Variants in CIRSR observed in about 807,000 individuals in gnomAD.
CIRSR encodes corepressor of RBPJ and splicing regulator.
the CIRSR span, among the ~76,000 whole-genome samples, chr2:174,369,489 T>C: frequency 0.06 from 9,204 of 152,318 alleles, 873 homozygotes; most frequent in African/African-American, 0.2. Flanking sequence ...TCAAGAACTT[T>C]CCCTTTGCAT....
the CIRSR span, among the ~76,000 whole-genome samples, chr2:174,357,730 C>G: frequency 6.6e-6 from 1 of 152,100 alleles, no homozygotes; most frequent in African/African-American, 2.4e-5. Context: ...TATTTGATTA[C>G]TAATATTACC....
At chr2:174,359,150 A>G in the CIRSR span, among the ~76,000 whole-genome samples, 1 of 152,232 alleles carries the variant, frequency 6.6e-6, no homozygotes, top group East Asian at 1.9e-4. Context: ...AAGAACAGAT[A>G]AAATTCATAT....
At chr2:174,383,176 G>A in the CIRSR span, among the ~76,000 whole-genome samples, 1 of 152,174 alleles carries the variant, frequency 6.6e-6, no homozygotes, top group Non-Finnish European at 1.5e-5. Flanking sequence ...CTAATTTATA[G>A]GTCATGTCCA....
the CIRSR span, chr2:174,348,963 TTC>T: frequency 6.2e-7 from 1 of 1,600,898 alleles, no homozygotes; most frequent in Non-Finnish European, 8.5e-7. Context: ...ACACTTGTTT[TTC>T]TTTCTTTTCT....
chr2:174,369,922 A>T, the CIRSR span: 1 of 1,339,730 alleles, frequency 7.5e-7, no homozygotes, highest in Middle Eastern at 2.1e-4. Context: ...AATGTGACCC[A>T]GAGACAAAGT....
At chr2:174,378,993 G>A in the CIRSR span, 2 of 1,613,996 alleles carry the variant, frequency 1.2e-6, no homozygotes, top group Non-Finnish European at 1.7e-6. Flanking sequence ...CTCGATCTGT[G>A]TTGACATGAC....
chr2:174,362,743 G>A, the CIRSR span, among the ~76,000 whole-genome samples: 1 of 144,746 alleles, frequency 6.9e-6, no homozygotes, highest in East Asian at 2.1e-4. Context: ...AATTGAGGTC[G>A]CAGGGCAAAC....
At chr2:174,377,142 G>C in the CIRSR span, among the ~76,000 whole-genome samples, 1 of 152,096 alleles carries the variant, frequency 6.6e-6, no homozygotes, top group African/African-American at 2.4e-5. Flanking sequence ...GCAGTCATAG[G>C]GGCACTATAA....
the CIRSR span, among the ~76,000 whole-genome samples, chr2:174,369,760 C>CA: frequency 6.6e-6 from 1 of 152,106 alleles, no homozygotes; most frequent in Non-Finnish European, 1.5e-5. Context: ...ATTCAGAATA[C>CA]ACAAAATGTT....
the CIRSR span, chr2:174,348,707 G>T: frequency 1.2e-6 from 2 of 1,614,116 alleles, no homozygotes; most frequent in Non-Finnish European, 1.7e-6. Context: ...CCTCCCTGCC[G>T]TGGCTTCTGC....
the CIRSR span, among the ~76,000 whole-genome samples, chr2:174,354,434 A>AT: frequency 1.3e-4 from 6 of 44,984 alleles, no homozygotes; most frequent in Non-Finnish European, 2.6e-4. Flanking sequence ...ATTATATGAT[A>AT]TATATAATAT....
chr2:174,348,333 G>GT, the CIRSR span: 1 of 1,096,530 alleles, frequency 9.1e-7, no homozygotes, highest in East Asian at 2.7e-5. Flanking sequence ...ATGTAGTTTT[G>GT]TACTTGAATT....
the CIRSR span, among the ~76,000 whole-genome samples, chr2:174,381,541 T>A: frequency 6.6e-6 from 1 of 151,746 alleles, no homozygotes; most frequent in Non-Finnish European, 1.5e-5. Flanking sequence ...TAATCCCAAC[T>A]ACTCGGGAGG....
the CIRSR span, chr2:174,395,662 T>C: frequency 7.4e-6 from 12 of 1,614,082 alleles, no homozygotes; most frequent in East Asian, 1.8e-4. Flanking sequence ...CTAGATCTGT[T>C]AGCAACGTAA....
the CIRSR span, among the ~76,000 whole-genome samples, chr2:174,378,144 A>G: frequency 6.6e-6 from 1 of 152,130 alleles, no homozygotes; most frequent in Non-Finnish European, 1.5e-5. Context: ...CTGAGGTTTC[A>G]TGTAAGATTT....
chr2:174,354,560 T>TCATATAATATA, the CIRSR span, among the ~76,000 whole-genome samples: 1 of 36,454 alleles, frequency 2.7e-5, no homozygotes, highest in Non-Finnish European at 5.8e-5. Context: ...ATTATATATA[T>TCATATAATATA]TTTATATATT....
At chr2:174,353,066 A>T in the CIRSR span, among the ~76,000 whole-genome samples, 1 of 152,192 alleles carries the variant, frequency 6.6e-6, no homozygotes, top group Non-Finnish European at 1.5e-5. Context: ...GTTATAAGAT[A>T]ATATATTTTA....
chr2:174,349,800 T>G, the CIRSR span, among the ~76,000 whole-genome samples: 1 of 152,066 alleles, frequency 6.6e-6, no homozygotes, highest in South Asian at 2.1e-4. Context: ...AAAGAAAGCC[T>G]GTGAAAGGTG....
chr2:174,349,087 G>GT, the CIRSR span: 1 of 1,544,066 alleles, frequency 6.5e-7, no homozygotes, highest in Admixed American at 2.2e-5. Flanking sequence ...GAGGACTTAT[G>GT]TTTTTTGTGT....
Sources: allele counts gnomAD v4.1 joint callset (sites outside exome capture counted in the v4.1 genomes callset), GRCh38; gene constraint gnomAD v4.1.1; transcripts MANE v1.5; gene names NCBI Gene and HGNC (gene_info 2026-07-23, HGNC 2026-07-21).